ATP2C2: variants seen among roughly 807,000 people sequenced by gnomAD.
ATP2C2 encodes calcium-transporting ATPase type 2C member 2.
Under a neutral mutation model 110.8 loss-of-function variants are expected in ATP2C2, and 171 were observed. That is an observed-to-expected ratio of 1.54 (90% CI 1.36 to 1.75). ATP2C2 has a LOEUF of 1.75. Among genes scored for constraint, ATP2C2 ranks in the 40% most tolerant of loss-of-function variants. ATP2C2 has a pLI of 0.00. For missense variants in ATP2C2, 1,963 were observed against 1,235.0 expected, an observed-to-expected ratio of 1.59 and a Z score of -8.84; for synonymous variants, 804 against 508.4, an observed-to-expected ratio of 1.58 and a Z score of -7.82.
intron 11 of ATP2C2, among the ~76,000 whole-genome samples, chr16:84,432,737 T>C (rs1010574417): frequency 2.0e-5 from 3 of 152,116 alleles, no homozygotes; most frequent in Non-Finnish European, 2.9e-5. Flanking sequence ...GCCAGGCTCA[T>C]CTCGAACTCC....
At chr16:84,391,527 G>A (rs1904662288) in intron 1 of ATP2C2, among the ~76,000 whole-genome samples, 1 of 152,210 alleles carries the variant, frequency 6.6e-6, no homozygotes, top group Admixed American at 6.5e-5. Flanking sequence ...CCCAATGACT[G>A]GGGTCTTTAT....
chr16:84,455,095 G>A, intron 21 of ATP2C2, 111 bp downstream of exon 21: 2 of 1,370,474 alleles, frequency 1.5e-6, no homozygotes, highest in Non-Finnish European at 2.0e-6. Flanking sequence ...GGAGTCCCCA[G>A]GGAGAGCTGA....
chr16:84,389,688 C>G (rs1034554003), intron 1 of ATP2C2, among the ~76,000 whole-genome samples: 2 of 150,904 alleles, frequency 1.3e-5, no homozygotes, highest in African/African-American at 2.4e-5. Flanking sequence ...TGGTGCTGGG[C>G]TCTGTGCTGG....
At chr16:84,384,446 T>C (rs1904295442) in intron 1 of ATP2C2, among the ~76,000 whole-genome samples, 1 of 152,234 alleles carries the variant, frequency 6.6e-6, no homozygotes, top group South Asian at 2.1e-4. Flanking sequence ...GTGTCCTCCT[T>C]AGTACATGGT....
chr16:84,460,064 A>G, intron 23 of ATP2C2: 1 of 202,396 alleles, frequency 4.9e-6, no homozygotes, highest in South Asian at 9.5e-5. Flanking sequence ...TGTTATCACC[A>G]GTGATAGCTG....
intron 6 of ATP2C2, among the ~76,000 whole-genome samples, chr16:84,412,301 T>TGC (rs72528189): frequency 0.73 from 110,990 of 151,430 alleles, 41,114 homozygotes; most frequent in East Asian, 0.88. Flanking sequence ...TGTGTGTGTG[T>TGC]GAGCATGTCT....
chr16:84,436,677 G>C (rs1270189843), intron 11 of ATP2C2, among the ~76,000 whole-genome samples: 2 of 151,970 alleles, frequency 1.3e-5, no homozygotes, highest in Non-Finnish European at 2.9e-5. Context: ...GCCTGGCCTC[G>C]GGTGGAGGTT....
intron 1 of ATP2C2, among the ~76,000 whole-genome samples, chr16:84,377,061 A>G (rs779824888): frequency 6.6e-6 from 1 of 152,220 alleles, no homozygotes; most frequent in Non-Finnish European, 1.5e-5. Context: ...TGGTGATAAG[A>G]ACATGGGAAA....
intron 11 of ATP2C2, among the ~76,000 whole-genome samples, chr16:84,431,129 T>A (rs961705026): frequency 4.6e-5 from 7 of 152,166 alleles, no homozygotes; most frequent in African/African-American, 1.7e-4. Flanking sequence ...GTTAACAATT[T>A]AAGCACACAT....
chr16:84,404,072 C>T (rs548913748), intron 2 of ATP2C2, among the ~76,000 whole-genome samples: 2 of 152,300 alleles, frequency 1.3e-5, no homozygotes, highest in South Asian at 2.1e-4. Context: ...CTTCCATGCC[C>T]AATGCTGCTA....
chr16:84,373,645 G>T (rs1044786966), intron 1 of ATP2C2, among the ~76,000 whole-genome samples: 17 of 152,278 alleles, frequency 1.1e-4, no homozygotes, highest in South Asian at 2.1e-4. Flanking sequence ...GGGTTACACA[G>T]GCCATGGGTA....
intron 7 of ATP2C2, among the ~76,000 whole-genome samples, chr16:84,416,284 G>A (rs745596991): frequency 6.6e-4 from 100 of 152,132 alleles, no homozygotes; most frequent in African/African-American, 2.4e-3. Flanking sequence ...GATTATCCTG[G>A]GTTCCCAAGA....
intron 3 of ATP2C2, chr16:84,407,053 G>C (rs1396463507): frequency 1.3e-5 from 2 of 152,300 alleles, no homozygotes; most frequent in African/African-American, 4.8e-5. Context: ...TGTAGGACTG[G>C]ACGGGAGCTC....
At position 84,461,755 on chromosome 16, in the gene ATP2C2, G is replaced by C. The variant is rs536074299; in HGVS notation, c.2523G>C (p.Met841Ile). 1 of 1,614,208 alleles carries C rather than the reference G, an allele frequency of 6.2e-7. No homozygotes were observed. Among genetic ancestry groups the C allele is most frequent in the East Asian group, 2.2e-5 (1 of 44,888 alleles). ...CAAGCACTCCCCGCACCACGACGAT[G>C]ACGTTCACTTGTTTTGTGTTTTTCG... ...DRASTPRTTTMTFTCFVFFDL... is the reference protein window; with the variant it reads ...DRASTPRTTTITFTCFVFFDL... The change falls in exon 25 of 27, where the codon ATG becomes ATC. Residue 841 changes from methionine (M) to isoleucine (I), a missense_variant. Coordinates refer to ENST00000262429, the MANE Select transcript of ATP2C2 (RefSeq NM_014861.4).
At chr16:84,420,956 C>T (rs968180613) in intron 7 of ATP2C2, among the ~76,000 whole-genome samples, 4 of 152,116 alleles carry the variant, frequency 2.6e-5, no homozygotes, top group African/African-American at 7.2e-5. Flanking sequence ...CAGGCGCCTG[C>T]CCCCATACCC....
At chr16:84,375,145 G>T (rs917424848) in intron 1 of ATP2C2, among the ~76,000 whole-genome samples, 1 of 152,232 alleles carries the variant, frequency 6.6e-6, no homozygotes, top group Non-Finnish European at 1.5e-5. Context: ...GATATTCTGG[G>T]ATATCTAGAT....
At chr16:84,423,166 C>T (rs1907506996) in intron 9 of ATP2C2, 22 bp from the exon 10 acceptor site, 14 of 1,607,030 alleles carry the variant, frequency 8.7e-6, no homozygotes, top group Admixed American at 1.7e-5. Context: ...GTCCAACTAA[C>T]CCATTGTGCT....
At chr16:84,425,474 C>T (rs550812844) in intron 10 of ATP2C2, among the ~76,000 whole-genome samples, 3 of 152,284 alleles carry the variant, frequency 2.0e-5, no homozygotes, top group Admixed American at 6.5e-5. Flanking sequence ...TAAATGCTTG[C>T]GAACAGTCCA....
intron 1 of ATP2C2, among the ~76,000 whole-genome samples, chr16:84,382,154 G>A (rs753933294): frequency 6.6e-6 from 1 of 151,914 alleles, no homozygotes; most frequent in Non-Finnish European, 1.5e-5. Flanking sequence ...CCCCCTGACA[G>A]GCCCCGGTGT....
Sources: gnomAD v4.1 joint callset for allele counts (sites outside exome capture counted in the v4.1 genomes callset) on GRCh38, gnomAD v4.1.1 for gene constraint, MANE v1.5 for transcripts, NCBI Gene and HGNC (gene_info 2026-07-23, HGNC 2026-07-21) for gene names.